Variants in F8 observed in about 807,000 individuals in gnomAD.
F8 encodes coagulation factor VIII.
In F8, 12 loss-of-function variants were observed where a neutral mutation model predicts 140.6. That is an observed-to-expected ratio of 0.09 (90% CI 0.05 to 0.14). F8 has a LOEUF of 0.14. F8 is among the 10% of genes least tolerant of loss of function. The pLI, the probability that F8 is intolerant of heterozygous loss-of-function variation, is 1.00. For missense variants in F8, 1,354 were observed against 1,720.7 expected, an observed-to-expected ratio of 0.79 and a Z score of 3.77; for synonymous variants, 585 against 614.6, an observed-to-expected ratio of 0.95 and a Z score of 0.71.
chrX:154,966,421 C>T lies in F8; in HGVS notation c.1271+5G>A. On this transcript the variant is annotated splice_donor_5th_base_variant and intron_variant, in intron 8 of 25. Coordinates refer to ENST00000360256, the MANE Select transcript of F8 (RefSeq NM_000132.4). ...AGAGAGTACCAATAGTCAAAAAGTG[C>T]TTACCTGTCATCGGGGGCGAGGACT... 2 of 1,210,855 alleles carry T rather than the reference C, an allele frequency of 1.7e-6. No individual in the cohort carries two copies. Among genetic ancestry groups the T allele is most frequent in the Non-Finnish European group, 2.2e-6 (2 of 895,120 alleles).
At chrX:154,968,306 C>T (rs1477441488) in intron 7 of F8, among the ~76,000 whole-genome samples, 3 of 111,171 alleles carry the variant, frequency 2.7e-5, no homozygotes, top group African/African-American at 9.8e-5. Context: ...TTTCTTTGCC[C>T]TTTTGTCATA....
chrX:154,939,335 A>G (rs2073243169), intron 13 of F8, among the ~76,000 whole-genome samples: 1 of 112,481 alleles, frequency 8.9e-6, no homozygotes, highest in Admixed American at 9.3e-5. Context: ...CGCTCTTCCA[A>G]CGGGCTTAAC....
At chrX:154,984,262 G>A (rs28370207) in intron 6 of F8, among the ~76,000 whole-genome samples, 2 of 111,672 alleles carry the variant, frequency 1.8e-5, no homozygotes, top group African/African-American at 6.5e-5. Flanking sequence ...GCATCTTATT[G>A]TTACTTTATT....
rs376498582 is a variant in F8, at chrX:154,984,755, T to C, written c.719A>G (p.Asp240Gly). Residue 240 changes from aspartate (D) to glycine (G), a missense_variant, in exon 6 of 26, where the codon GAT (aspartate) becomes GGT (glycine). By Grantham distance (94) the Asp-to-Gly change is moderately conservative (BLOSUM62 -1). Coordinates refer to ENST00000360256, the MANE Select transcript of F8 (RefSeq NM_000132.4). ...AGGCCAGGCCCGAGCAGATGCAGCA[T>C]CCCTATCCTGCATCAAGGAGTTCTT... ...ETKNSLMQDR[D>G]AASARAWPKM... 1.7e-6 allele frequency: 2 copies of C among 1,209,800 alleles called. No homozygotes were observed. Among genetic ancestry groups the C allele is most frequent in the African/African-American group, 3.5e-5 (2 of 57,137 alleles).
At chrX:154,983,797 G>A (rs2073542704) in intron 6 of F8, among the ~76,000 whole-genome samples, 2 of 112,147 alleles carry the variant, frequency 1.8e-5, no homozygotes, top group African/African-American at 6.5e-5. Context: ...GCATGTCTTT[G>A]GCCAAATTAT....
At chrX:154,861,106 G>C (rs915204343) in intron 24 of F8, among the ~76,000 whole-genome samples, 1 of 109,418 alleles carries the variant, frequency 9.1e-6, no homozygotes, top group Non-Finnish European at 1.9e-5. Context: ...GCCTGGGCTG[G>C]AGTGCAATAG....
intron 1 of F8, among the ~76,000 whole-genome samples, chrX:155,014,224 A>G (rs2073723428): frequency 8.9e-6 from 1 of 112,469 alleles, no homozygotes; most frequent in Admixed American, 9.4e-5. Flanking sequence ...GCATTTGACA[A>G]AATCTAATAT....
chrX:154,927,908 G>A (rs2124045795), intron 14 of F8, among the ~76,000 whole-genome samples: 1 of 111,795 alleles, frequency 8.9e-6, no homozygotes, highest in South Asian at 3.7e-4. Flanking sequence ...GACCACCACA[G>A]CTAATGTAAC....
intron 25 of F8, among the ~76,000 whole-genome samples, chrX:154,850,095 G>GTGTA (rs2072602504): frequency 9.4e-6 from 1 of 105,975 alleles, no homozygotes; most frequent in Non-Finnish European, 1.9e-5. Context: ...GTGTGTGTGT[G>GTGTA]TGTGTGTGTG....
intron 22 of F8, among the ~76,000 whole-genome samples, chrX:154,879,039 T>C (rs782018388): frequency 5.8e-4 from 65 of 111,805 alleles, no homozygotes; most frequent in African/African-American, 2.0e-3. Flanking sequence ...TGGAAGACAA[T>C]ATTATTAAGA....
intron 7 of F8, among the ~76,000 whole-genome samples, chrX:154,967,401 G>A (rs1236094938): frequency 9.0e-6 from 1 of 111,713 alleles, no homozygotes; most frequent in East Asian, 2.8e-4. Context: ...TTTGTAAAAT[G>A]GATAATAATA....
intron 7 of F8, among the ~76,000 whole-genome samples, chrX:154,968,289 C>T (rs1396541484): frequency 9.0e-6 from 1 of 111,425 alleles, no homozygotes; most frequent in African/African-American, 3.3e-5. Context: ...CTTGCTCTCT[C>T]TCACCCTTTC....
At chrX:154,965,500 A>G (rs1299912168) in intron 9 of F8, among the ~76,000 whole-genome samples, 1 of 111,480 alleles carries the variant, frequency 9.0e-6, no homozygotes, top group African/African-American at 3.3e-5. Flanking sequence ...GATAGTAAGT[A>G]CTCTAAAATT....
Position 154,969,356 on chromosome X carries a change from A to C in F8, c.984T>G (p.Phe328Leu), listed in dbSNP as rs782668199. The part of the protein sequence containing the change: ...LLMDLGQFLL[F>L]CHISSHQHDG... The stretch of plus-strand genomic sequence containing the variant: ...CATGTTGGTGGGAAGAGATATGACA[A>C]AACAGTAGAAACTGTCCAAGGTCCA... Residue 328 changes from phenylalanine to leucine, a missense_variant, in exon 7 of 26, where the codon TTT becomes TTG. By Grantham distance (22) the Phe-to-Leu change is conservative (BLOSUM62 0). Transcript: ENST00000360256. 1 of 1,211,017 alleles carries C rather than the reference A, an allele frequency of 8.3e-7. No homozygotes were observed. The highest frequency in any genetic ancestry group is 1.8e-5 in the South Asian group (1 of 56,953).
In F8 at chrX:154,928,864, T is replaced by C. The variant is rs2073174859; in HGVS notation, c.4926A>G (p.Glu1642=). The C allele has an allele frequency of 8.3e-7, 1 of 1,210,205 alleles. No individual in the cohort carries two copies. Among genetic ancestry groups the C allele is most frequent in the Non-Finnish European group, 1.1e-6 (1 of 895,268 alleles). ...INEGQNKPEI[E]VTWAKQGRTE... is the part of the protein sequence containing the mutation. ...TCCTACCTTGCTTTGCCCAGGTGAC[T>C]TCTATTTCGGGCTTATTTTGTCCCT... The change falls in exon 14 of 26, where the codon GAA becomes GAG. Residue 1642 remains glutamate (E), a synonymous_variant. Coordinates refer to ENST00000360256, the MANE Select transcript of F8 (RefSeq NM_000132.4).
chrX:155,001,614 A>G (rs782089473), intron 1 of F8, among the ~76,000 whole-genome samples: 68 of 111,254 alleles, frequency 6.1e-4, no homozygotes, highest in African/African-American at 2.0e-3. Flanking sequence ...TATACAGTTC[A>G]GTAGCATTAA....
intron 4 of F8, among the ~76,000 whole-genome samples, chrX:154,992,287 A>G (rs1437306550): frequency 5.3e-5 from 6 of 112,240 alleles, no homozygotes; most frequent in African/African-American, 1.9e-4. Flanking sequence ...GTTATGCAGT[A>G]AAAGATAAAT....
Position 154,966,563 on chromosome X carries a change from C to T in F8, c.1134G>A (p.Arg378=), listed in dbSNP as rs782663468. Residue 378 remains arginine (R), a synonymous_variant, in exon 8 of 26, where the codon AGG becomes AGA. Coordinates refer to ENST00000360256, the MANE Select transcript of F8 (RefSeq NM_000132.4). ...DLTDSEMDVV[R]FDDDNSPSFI... ...AGGAAGGAGAGTTGTCATCATCAAA[C>T]CTGACCACATCCATTTCAGAATCAG... 1 of 1,211,682 alleles carries T rather than the reference C, an allele frequency of 8.3e-7. No individual in the cohort carries two copies. Among genetic ancestry groups the T allele is most frequent in the Non-Finnish European group, 1.1e-6 (1 of 895,450 alleles).
chrX:154,947,648 G>A (rs782399311), intron 13 of F8, 50 bp downstream of exon 13: 19 of 972,718 alleles, frequency 2.0e-5, no homozygotes, highest in Non-Finnish European at 2.4e-5. Flanking sequence ...CATACGAATG[G>A]CTAGTGAAGC....
Sources: gnomAD v4.1 joint callset for allele counts (sites outside exome capture counted in the v4.1 genomes callset) on GRCh38, gnomAD v4.1.1 for gene constraint, MANE v1.5 for transcripts, NCBI Gene and HGNC (gene_info 2026-07-23, HGNC 2026-07-21) for gene names.